Variants in NEK4 observed in about 807,000 individuals in gnomAD.
NEK4 encodes the protein NIMA related kinase 4, also known as serine/threonine-protein kinase Nek4.
NEK4 carries 86 observed loss-of-function variants against 98.4 expected under a neutral mutation model. That is an observed-to-expected ratio of 0.87 (90% confidence interval 0.73 to 1.05). The LOEUF (loss-of-function observed/expected upper bound fraction) is 1.05. Ranked by LOEUF, NEK4 falls within the 50% of genes least tolerant of loss-of-function variation. The pLI is 0.00. For missense variants in NEK4, 898 were observed against 950.3 expected (o/e 0.94, Z 0.72); for synonymous variants, 328 against 342.2 (o/e 0.96, Z 0.46).
intron 15 of NEK4, among the ~76,000 whole-genome samples, chr3:52,725,732 T>A (rs1322168011): frequency 6.6e-6 from 1 of 150,504 alleles, no homozygotes; most frequent in African/African-American, 2.4e-5. Flanking sequence ...ACAGGACATG[T>A]TACATATTAT....
At chr3:52,760,012 G>C (rs1314121135) in intron 6 of NEK4, among the ~76,000 whole-genome samples, 3 of 152,148 alleles carry the variant, frequency 2.0e-5, no homozygotes, top group African/African-American at 7.2e-5. Context: ...ATCCAGGACA[G>C]GTAACTTCAT....
intron 15 of NEK4, 59 bp from the exon 16 acceptor site, chr3:52,711,928 ATC>A (rs2097350819): frequency 1.1e-6 from 1 of 939,766 alleles, no homozygotes; most frequent in Non-Finnish European, 1.7e-6. Context: ...TATTTCTGTA[ATC>A]TTAGAGGAAG....
In NEK4 at chr3:52,711,559, A is replaced by C. The variant is rs1308547694; in HGVS notation, c.*218T>G. 2.6e-6 allele frequency: 1 copy of C among 387,804 alleles called. No individual in the cohort carries two copies. Among genetic ancestry groups the C allele is most frequent in the Non-Finnish European group, 4.6e-6 (1 of 217,708 alleles). The allele number at this position is 387,804 out of a possible 1,614,324, so 24.0% of individuals were successfully genotyped here. ...AACAAACAACAGATTTGTCCTCACAAAGAGAATATGAAAGCCAAAGTTTTT... is the reference window on the plus strand; with the variant it reads ...AACAAACAACAGATTTGTCCTCACACAGAGAATATGAAAGCCAAAGTTTTT... On this transcript the variant is annotated 3_prime_UTR_variant, in exon 16 of 16. Coordinates refer to ENST00000233027, the MANE Select transcript of NEK4 (RefSeq NM_003157.6).
chr3:52,722,624 C>T (rs952181736), intron 15 of NEK4, among the ~76,000 whole-genome samples: 7 of 152,068 alleles, frequency 4.6e-5, no homozygotes, highest in Admixed American at 1.3e-4. Flanking sequence ...ATGATGTGGC[C>T]GGGCACGGTG....
At chr3:52,765,331 A>T (rs1354709446) in intron 4 of NEK4, among the ~76,000 whole-genome samples, 1 of 151,248 alleles carries the variant, frequency 6.6e-6, no homozygotes, top group Non-Finnish European at 1.5e-5. Flanking sequence ...AGCCTGGGAG[A>T]CAAGAGCAAA....
In NEK4 at chr3:52,746,067, T is replaced by G; in HGVS notation, c.1821A>C (p.Ser607=). Residue 607 remains serine (S), a synonymous_variant, in exon 10 of 16, where the codon TCA becomes TCC. Transcript: ENST00000233027. ...AGCATATGTTCCCACAAACCTTTGATGATGACATCTCACTGCTCCTTGAAC... is the reference window on the plus strand; with the variant it reads ...AGCATATGTTCCCACAAACCTTTGAGGATGACATCTCACTGCTCCTTGAAC... ...VSSSRSSEMS[S]SKDRPLSARE... The G allele has an allele frequency of 6.2e-7, 1 of 1,613,332 alleles. No individual in the cohort carries two copies. The highest frequency in any genetic ancestry group is 1.3e-5 in the African/African-American group (1 of 75,018).
chr3:52,735,314 C>T (rs1266102630), intron 15 of NEK4, among the ~76,000 whole-genome samples: 1 of 152,182 alleles, frequency 6.6e-6, no homozygotes, highest in Non-Finnish European at 1.5e-5. Flanking sequence ...TGGTGTTAAA[C>T]ACACTTTCAG....
intron 6 of NEK4, among the ~76,000 whole-genome samples, chr3:52,760,033 A>G (rs1395456744): frequency 6.6e-6 from 1 of 152,206 alleles, no homozygotes; most frequent in Non-Finnish European, 1.5e-5. Context: ...AGAGACAGGA[A>G]ACACACTGGT....
At chr3:52,768,099 G>T (rs1455272218) in intron 2 of NEK4, among the ~76,000 whole-genome samples, 1 of 152,144 alleles carries the variant, frequency 6.6e-6, no homozygotes, top group Non-Finnish European at 1.5e-5. Flanking sequence ...GCTATAAATG[G>T]TAATTGAGTG....
At chr3:52,752,954 A>ACACACACAC (rs1315107149) in intron 6 of NEK4, among the ~76,000 whole-genome samples, 11 of 137,354 alleles carry the variant, frequency 8.0e-5, no homozygotes, top group East Asian at 2.1e-4. Context: ...ACACACACAC[A>ACACACACAC]ATGGAATATT....
In NEK4 at chr3:52,739,452, AT is replaced by A. The variant is rs1173031533; in HGVS notation, c.2275del (p.Ile759SerfsTer20). 1 of 1,614,048 alleles carries A rather than the reference AT, an allele frequency of 6.2e-7. No individual in the cohort carries two copies. Among genetic ancestry groups the A allele is most frequent in the Non-Finnish European group, 8.5e-7 (1 of 1,179,956 alleles). On this transcript the variant is annotated frameshift_variant, in exon 14 of 16. Coordinates refer to ENST00000233027, the MANE Select transcript of NEK4 (RefSeq NM_003157.6). LOFTEE classifies it high-confidence loss of function. The stretch of plus-strand genomic sequence containing the variant: ...ACCTGAAGGTAGCTCTTTAAAATGG[AT>A]TTCCTCTGCCTCTTCTGCAACCTTC... Reference protein sequence around the residue: ...HGKVAEEAEEIHFKELPSAIM... With the variant: ...HGKVAEEAEEXHFKELPSAIM...
intron 15 of NEK4, among the ~76,000 whole-genome samples, chr3:52,731,937 T>C (rs1295966449): frequency 6.6e-6 from 1 of 152,206 alleles, no homozygotes; most frequent in Non-Finnish European, 1.5e-5. Flanking sequence ...TCTCACGAGA[T>C]CTGACGGTTT....
Position 52,770,863 on chromosome 3 carries a change from GC to G in NEK4, c.-118del. On this transcript the variant is annotated 5_prime_UTR_variant, in exon 1 of 16. An upstream open reading frame in the 5' UTR loses its in-frame stop. Transcript: ENST00000233027. ...GGCAGTGGGGGCGGCTGTTGAGGCA[GC>G]CGGGCCCGGGCGGGATTGCTGGGGC... is the stretch of plus-strand genomic sequence containing the variant. The G allele has an allele frequency of 3.4e-6, 3 of 884,834 alleles. No homozygotes were observed. The highest frequency in any genetic ancestry group is 4.3e-5 in the Admixed American group (2 of 46,810). 54.8% of individuals were successfully genotyped at this position (884,834 alleles called of 1,614,324 possible).
chr3:52,770,275 G>T (rs1698725183), intron 1 of NEK4, among the ~76,000 whole-genome samples: 1 of 151,852 alleles, frequency 6.6e-6, no homozygotes, highest in Non-Finnish European at 1.5e-5. Flanking sequence ...GCTAGGCGCT[G>T]TATTAAGTCC....
Position 52,739,476 on chromosome 3 carries a change from T to C in NEK4, c.2252A>G (p.Lys751Arg), listed in dbSNP as rs1339441586. The C allele has an allele frequency of 6.2e-7, 1 of 1,614,098 alleles. No homozygotes were observed. Among genetic ancestry groups the C allele is most frequent in the Non-Finnish European group, 8.5e-7 (1 of 1,180,032 alleles). The change falls in exon 14 of 16, where the codon AAG becomes AGG. Residue 751 changes from lysine to arginine, a missense_variant. Physicochemically the swap from Lys to Arg is conservative, Grantham distance 26. Transcript: ENST00000233027. ...KYRDTLILHGKVAEEAEEIHF... is the reference protein window; with the variant it reads ...KYRDTLILHGRVAEEAEEIHF... ...GATTTCCTCTGCCTCTTCTGCAACC[T>C]TCCCATGAAGTATCAGTGTGTCCCG...
intron 6 of NEK4, among the ~76,000 whole-genome samples, chr3:52,752,974 T>C (rs1403885267): frequency 7.5e-6 from 1 of 134,108 alleles, no homozygotes; most frequent in Admixed American, 8.2e-5. Context: ...TTCTAATCTA[T>C]AAAAAGGAAT....
intron 4 of NEK4, among the ~76,000 whole-genome samples, chr3:52,764,964 T>C (rs1352753987): frequency 6.6e-6 from 1 of 152,182 alleles, no homozygotes; most frequent in Non-Finnish European, 1.5e-5. Context: ...AATTTTACTT[T>C]TGTGTGTGTT....
At chr3:52,735,031 TGAG>T (rs1561297568) in intron 15 of NEK4, 1 of 176,328 alleles carries the variant, frequency 5.7e-6, no homozygotes, top group Non-Finnish European at 1.2e-5. Context: ...AGTTACTCCA[TGAG>T]GAGAAATACA....
At chr3:52,745,541 T>A (rs1164707385) in intron 10 of NEK4, among the ~76,000 whole-genome samples, 1 of 150,424 alleles carries the variant, frequency 6.6e-6, no homozygotes, top group Non-Finnish European at 1.5e-5. Flanking sequence ...ATTGTGCCAC[T>A]GCACTCCAGC....
Sources: allele counts gnomAD v4.1 joint callset (sites outside exome capture counted in the v4.1 genomes callset), GRCh38; gene constraint gnomAD v4.1.1; transcripts MANE v1.5; gene names NCBI Gene and HGNC (gene_info 2026-07-23, HGNC 2026-07-21).